Variants in RAB7A observed in about 807,000 individuals in gnomAD.
RAB7A encodes the protein ras-related protein Rab-7a.
RAB7A carries 2 observed loss-of-function variants against 24.5 expected under a neutral mutation model. The observed-to-expected ratio is 0.08, with a 90% CI of 0.03 to 0.26. The LOEUF (loss-of-function observed/expected upper bound fraction) is 0.26, where lower values mean the gene tolerates loss of function less well. RAB7A is among the 10% of genes least tolerant of loss of function. The pLI is 1.00. For synonymous variants in RAB7A, 100 were observed against 95.9 expected, an observed-to-expected ratio of 1.04 and a Z score of -0.25; for missense variants, 118 against 255.7, an observed-to-expected ratio of 0.46 and a Z score of 3.67.
chr3:128,757,162 A>G (rs1328639645), intron 1 of RAB7A, among the ~76,000 whole-genome samples: 1 of 152,022 alleles, frequency 6.6e-6, no homozygotes, highest in Non-Finnish European at 1.5e-5. Context: ...ACTCTTGTAC[A>G]TACATCACCA....
intron 3 of RAB7A, among the ~76,000 whole-genome samples, chr3:128,805,970 C>T (rs1313696931): frequency 1.3e-5 from 2 of 152,184 alleles, no homozygotes; most frequent in Non-Finnish European, 2.9e-5. Flanking sequence ...GTCATCACCT[C>T]ACTTCCCTAT....
chr3:128,772,036 A>G (rs1932951295), intron 1 of RAB7A, among the ~76,000 whole-genome samples: 1 of 152,218 alleles, frequency 6.6e-6, no homozygotes, highest in Non-Finnish European at 1.5e-5. Context: ...TTTAAATATA[A>G]AATGAACACA....
intron 1 of RAB7A, among the ~76,000 whole-genome samples, chr3:128,748,168 C>T (rs542426689): frequency 7.2e-5 from 11 of 152,328 alleles, no homozygotes; most frequent in East Asian, 3.9e-4. Context: ...ATCATCTGGT[C>T]GCTCAGCATG....
chr3:128,812,321 G>T (rs150168814), intron 5 of RAB7A, among the ~76,000 whole-genome samples: 1 of 152,096 alleles, frequency 6.6e-6, no homozygotes, highest in African/African-American at 2.4e-5. Flanking sequence ...CACCATGTTC[G>T]CCAGGCTGGT....
chr3:128,754,177 T>G (rs1231531978), intron 1 of RAB7A, among the ~76,000 whole-genome samples: 1 of 152,170 alleles, frequency 6.6e-6, no homozygotes, highest in Non-Finnish European at 1.5e-5. Flanking sequence ...GTGTTTCTGT[T>G]TTCTACATGA....
At position 128,743,033 on chromosome 3, in the gene RAB7A, G is replaced by A. The variant is rs563392947; in HGVS notation, c.-9+16674G>A. ...CGGGAGCCCACCGCAGGAGGGCTCG[G>A]GCATGGCGGGCTGCAGGTCCAGAGC... On this transcript the variant is annotated intron_variant, in intron 1 of 5. Coordinates refer to ENST00000265062, the MANE Select transcript of RAB7A (RefSeq NM_004637.6). Among the ~76,000 whole-genome samples, 17 of 152,330 alleles carry A rather than the reference G, an allele frequency of 1.1e-4. No homozygotes were observed. The South Asian group carries it at 2.7e-3, about 24-fold the overall frequency.
intron 3 of RAB7A, among the ~76,000 whole-genome samples, chr3:128,805,117 T>TTTTG (rs113016574): frequency 0.041 from 6,234 of 152,066 alleles, 163 homozygotes; most frequent in Non-Finnish European, 0.055. Context: ...CCAAGTGTTC[T>TTTTG]TTTGTTTGTT....
chr3:128,768,717 C>T (rs1234937094), intron 1 of RAB7A, among the ~76,000 whole-genome samples: 1 of 149,728 alleles, frequency 6.7e-6, no homozygotes, highest in African/African-American at 2.5e-5. Context: ...TGCCACCACA[C>T]CTGGCTAATT....
intron 5 of RAB7A, among the ~76,000 whole-genome samples, chr3:128,807,933 T>G (rs1206649954): frequency 6.6e-6 from 1 of 152,232 alleles, no homozygotes; most frequent in African/African-American, 2.4e-5. Context: ...CTTATTTTCT[T>G]TGCTGTGATT....
intron 5 of RAB7A, among the ~76,000 whole-genome samples, chr3:128,812,805 A>G (rs2107618208): frequency 6.6e-6 from 1 of 152,352 alleles, no homozygotes; most frequent in Non-Finnish European, 1.5e-5. Context: ...TTGGTCCCGA[A>G]AAGTGGATGG....
intron 5 of RAB7A, among the ~76,000 whole-genome samples, chr3:128,812,757 C>T (rs138007844): frequency 5.2e-4 from 79 of 152,308 alleles, no homozygotes; most frequent in Middle Eastern, 3.4e-3. Context: ...AGACAAAACT[C>T]TGCTAAACCT....
intron 1 of RAB7A, among the ~76,000 whole-genome samples, chr3:128,774,185 TAAAAAAAAAAAAAATTA>T (rs1177321086): frequency 3.5e-5 from 4 of 115,070 alleles, no homozygotes; most frequent in Non-Finnish European, 7.8e-5. Context: ...ATGTATTAAC[TAAAAAAAAAAAAAATTA>T]AAAAAAAAAA....
At chr3:128,764,659 T>A in intron 1 of RAB7A, 1 of 907,526 alleles carries the variant, frequency 1.1e-6, no homozygotes, top group East Asian at 2.4e-5. Context: ...AGTGGCTAGT[T>A]TGTGCAGTTC....
At chr3:128,792,643 A>G (rs1576297343) in intron 1 of RAB7A, among the ~76,000 whole-genome samples, 1 of 151,294 alleles carries the variant, frequency 6.6e-6, no homozygotes, top group Non-Finnish European at 1.5e-5. Flanking sequence ...GCTGACCTCA[A>G]GTGATCCACC....
chr3:128,802,666 C>A (rs1933724836), intron 3 of RAB7A, among the ~76,000 whole-genome samples: 2 of 151,464 alleles, frequency 1.3e-5, no homozygotes, highest in African/African-American at 4.9e-5. Flanking sequence ...TGCCACCACG[C>A]CCAGCTAATT....
chr3:128,804,203 G>A (rs1180859721), intron 3 of RAB7A, among the ~76,000 whole-genome samples: 8 of 150,058 alleles, frequency 5.3e-5, no homozygotes. Flanking sequence ...GTCACACCCA[G>A]GATGGAGATT....
intron 2 of RAB7A, among the ~76,000 whole-genome samples, chr3:128,796,332 G>GTTCC: frequency 6.6e-6 from 1 of 152,172 alleles, no homozygotes; most frequent in South Asian, 2.1e-4. Flanking sequence ...CGTACCTGTA[G>GTTCC]TTCCAGCTGC....
chr3:128,762,174 C>T (rs1207278902), intron 1 of RAB7A, among the ~76,000 whole-genome samples: 2 of 152,004 alleles, frequency 1.3e-5, no homozygotes, highest in African/African-American at 2.4e-5. Context: ...TTTGAAAACC[C>T]GGAGGGGAAA....
At chr3:128,788,617 C>T (rs1232994821) in intron 1 of RAB7A, among the ~76,000 whole-genome samples, 1 of 152,194 alleles carries the variant, frequency 6.6e-6, no homozygotes, top group Non-Finnish European at 1.5e-5. Flanking sequence ...CTTTCAATTC[C>T]TGCAACACCA....
Sources: allele counts gnomAD v4.1 joint callset (sites outside exome capture counted in the v4.1 genomes callset), GRCh38; gene constraint gnomAD v4.1.1; transcripts MANE v1.5; gene names NCBI Gene and HGNC (gene_info 2026-07-23, HGNC 2026-07-21).